Variants in ARHGAP12 observed in about 807,000 individuals in gnomAD.
The protein encoded by ARHGAP12 is rho GTPase-activating protein 12.
A neutral mutation model predicts 108.6 loss-of-function variants in ARHGAP12; 64 were observed. The observed-to-expected ratio is 0.59, with a 90% CI of 0.48 to 0.73. ARHGAP12 has a LOEUF of 0.73. Among genes scored for constraint, ARHGAP12 ranks in the 30% least tolerant of loss-of-function variants. The pLI, the probability that ARHGAP12 is intolerant of heterozygous loss-of-function variation, is 0.00. For missense variants in ARHGAP12, 940 were observed against 1,005.9 expected (o/e 0.93, Z 0.89); for synonymous variants, 312 against 337.2 (o/e 0.93, Z 0.82).
At chr10:31,916,905 A>G (rs981418761) in intron 1 of ARHGAP12, among the ~76,000 whole-genome samples, 6 of 151,964 alleles carry the variant, frequency 3.9e-5, no homozygotes, top group African/African-American at 7.3e-5. Context: ...GTGAGCCACC[A>G]CGCCCAGCCG....
intron 9 of ARHGAP12, among the ~76,000 whole-genome samples, chr10:31,836,333 T>C (rs988835273): frequency 4.6e-5 from 7 of 152,184 alleles, no homozygotes; most frequent in Non-Finnish European, 8.8e-5. Context: ...GAATAGCTTC[T>C]TAGATCAGCC....
rs141375818 is a variant in ARHGAP12, at chr10:31,861,183, C to T, written c.948+212G>A. 1.3e-3 allele frequency among the ~76,000 whole-genome samples: 196 copies of T among 152,270 alleles called. 1 individual carries two copies. The highest frequency in any genetic ancestry group is 5.0e-3 in the South Asian group (24 of 4,826). On this transcript the variant is annotated intron_variant, in intron 4 of 19. Transcript: ENST00000344936. ...CTTAAACCCAGTTCTGGAACTAGTACGCACACAGGTTAGCAGCTGTCCATT... is the reference window on the plus strand; with the variant it reads ...CTTAAACCCAGTTCTGGAACTAGTATGCACACAGGTTAGCAGCTGTCCATT...
At chr10:31,893,900 C>T (rs547589653) in intron 3 of ARHGAP12, among the ~76,000 whole-genome samples, 13 of 152,222 alleles carry the variant, frequency 8.5e-5, no homozygotes, top group East Asian at 1.9e-4. Context: ...TTATCCACTA[C>T]GATCAAGTGG....
intron 11 of ARHGAP12, among the ~76,000 whole-genome samples, chr10:31,823,489 A>T (rs1218829494): frequency 1.3e-5 from 2 of 152,092 alleles, no homozygotes; most frequent in Non-Finnish European, 2.9e-5. Flanking sequence ...AAAAAAAAAA[A>T]ATCAATACGA....
intron 4 of ARHGAP12, among the ~76,000 whole-genome samples, chr10:31,857,318 T>TA (rs574439790): frequency 1.5e-4 from 22 of 150,888 alleles, no homozygotes; most frequent in Middle Eastern, 3.4e-3. Flanking sequence ...CCTAAACAAA[T>TA]AAAAAAAAAT....
At chr10:31,816,118 T>G (rs943638940) in intron 13 of ARHGAP12, among the ~76,000 whole-genome samples, 3 of 150,530 alleles carry the variant, frequency 2.0e-5, no homozygotes, top group African/African-American at 7.3e-5. Context: ...GCCATTGCAC[T>G]CCAGCCTGGG....
At position 31,846,899 on chromosome 10, in the gene ARHGAP12, ATTTTTTTTT is replaced by A. The variant is rs377177944; in HGVS notation, c.1171-3322_1171-3314del. On this transcript the variant is annotated intron_variant, in intron 6 of 19. Coordinates refer to ENST00000344936, the MANE Select transcript of ARHGAP12 (RefSeq NM_018287.7). Reference sequence around the variant, plus strand: ...CCCACAGGTCTCTGAGGCACTGTTCATTTTTTTTTTTTTTTTTTTTTTTGGAAATCTATT... The same window carrying A: ...CCCACAGGTCTCTGAGGCACTGTTCATTTTTTTTTTTTTTGGAAATCTATT... Among the ~76,000 whole-genome samples the A allele has an allele frequency of 1.7e-3, 143 of 84,614 alleles. 1 individual carries two copies. Among genetic ancestry groups the A allele is most frequent in the African/African-American group, 5.7e-3 (119 of 20,926 alleles). 55.5% of individuals were successfully genotyped at this position (84,614 alleles called of 152,430 possible).
chr10:31,861,802 T>A, intron 3 of ARHGAP12, 144 bp from the exon 4 acceptor site: 2 of 827,682 alleles, frequency 2.4e-6, no homozygotes, highest in Non-Finnish European at 3.5e-6. Context: ...AATAATAATT[T>A]AACAGTTTTA....
chr10:31,831,481 G>GAA (rs35176574), intron 10 of ARHGAP12, among the ~76,000 whole-genome samples: 5 of 148,898 alleles, frequency 3.4e-5, no homozygotes, highest in Non-Finnish European at 3.0e-5. Flanking sequence ...ACTGCTTACT[G>GAA]AAAAAAAAAA....
At position 31,809,325 on chromosome 10, in the gene ARHGAP12, T is replaced by A. The variant is rs1834931888; in HGVS notation, c.2051-18A>T. ...ATCCAAACCTAAGAGACAATAATAA[T>A]TTGTGTGTGTGTGTGTTTAAAGTAC... On this transcript the variant is annotated intron_variant, in intron 16 of 19. Transcript: ENST00000344936. The A allele has an allele frequency of 1.9e-6, 3 of 1,608,568 alleles. No individual in the cohort carries two copies. In the African/African-American group the frequency reaches 4.0e-5, roughly 22 times the overall value.
intron 3 of ARHGAP12, among the ~76,000 whole-genome samples, chr10:31,896,579 A>G (rs944798351): frequency 6.6e-6 from 1 of 152,152 alleles, no homozygotes; most frequent in African/African-American, 2.4e-5. Context: ...CTCAAGATTG[A>G]TAAGACACAC....
chr10:31,919,764 C>A (rs566001165), intron 1 of ARHGAP12, among the ~76,000 whole-genome samples: 2 of 151,192 alleles, frequency 1.3e-5, no homozygotes, highest in South Asian at 2.1e-4. Context: ...GCACCTCCAG[C>A]CTGGGCAACA....
intron 1 of ARHGAP12, among the ~76,000 whole-genome samples, chr10:31,914,039 C>T (rs1211757225): frequency 6.6e-6 from 1 of 152,126 alleles, no homozygotes; most frequent in East Asian, 1.9e-4. Context: ...CAGTTGTTGT[C>T]TCTATGCAGC....
chr10:31,918,988 TA>T (rs1470464402), intron 1 of ARHGAP12, among the ~76,000 whole-genome samples: 5 of 152,238 alleles, frequency 3.3e-5, no homozygotes, highest in African/African-American at 1.2e-4. Context: ...GCAAACTAAA[TA>T]TCCATCAATG....
rs1834870950 is a variant in ARHGAP12, at chr10:31,807,771, G to A, written c.2428C>T (p.Pro810Ser). 6.2e-7 allele frequency: 1 copy of A among 1,604,810 alleles called. No individual in the cohort carries two copies. Among genetic ancestry groups the A allele is most frequent in the South Asian group, 1.1e-5 (1 of 89,328 alleles). Reference protein sequence around the residue: ...TYQSIAIVFGPTLLKPEKETG... With the variant: ...TYQSIAIVFGSTLLKPEKETG... ...TCTTTTTCTGGTTTTAATAGAGTGG[G>A]ACCAAAAACAATTGCTATACTCTGA... Residue 810 changes from proline (P) to serine (S), a missense_variant, in exon 20 of 20, where the codon CCC becomes TCC. Physicochemically the swap from Pro to Ser is moderately conservative, Grantham distance 74 (BLOSUM62 -1). Coordinates refer to ENST00000344936, the MANE Select transcript of ARHGAP12 (RefSeq NM_018287.7).
At chr10:31,831,469 T>C (rs960248100) in intron 10 of ARHGAP12, among the ~76,000 whole-genome samples, 6 of 150,728 alleles carry the variant, frequency 4.0e-5, no homozygotes, top group African/African-American at 1.5e-4. Flanking sequence ...CCATGTGCAT[T>C]TACTGCTTAC....
At chr10:31,825,047 T>C (rs1030371216) in intron 11 of ARHGAP12, among the ~76,000 whole-genome samples, 1 of 152,114 alleles carries the variant, frequency 6.6e-6, no homozygotes, top group Non-Finnish European at 1.5e-5. Context: ...AACCAAAATT[T>C]CAACCCTTTC....
At chr10:31,810,197 A>G (rs1400420502) in intron 16 of ARHGAP12, among the ~76,000 whole-genome samples, 1 of 152,206 alleles carries the variant, frequency 6.6e-6, no homozygotes, top group Non-Finnish European at 1.5e-5. Flanking sequence ...TTTACAGAAA[A>G]TGACATAAAA....
At chr10:31,901,534 CAAAAAAAA>C (rs61402251) in intron 3 of ARHGAP12, among the ~76,000 whole-genome samples, 2 of 64,280 alleles carry the variant, frequency 3.1e-5, no homozygotes, top group African/African-American at 6.0e-5. Context: ...AACCTGGTCT[CAAAAAAAA>C]AAAAAAAAAA....
Sources: allele counts gnomAD v4.1 joint callset (sites outside exome capture counted in the v4.1 genomes callset), GRCh38; gene constraint gnomAD v4.1.1; transcripts MANE v1.5; gene names NCBI Gene and HGNC (gene_info 2026-07-23, HGNC 2026-07-21).